Variants in PHACTR3 observed in about 807,000 individuals in gnomAD.
PHACTR3 encodes the protein phosphatase and actin regulator 3, also known as protein phosphatase 1, regulatory subunit 123.
Under a neutral mutation model 66.8 loss-of-function variants are expected in PHACTR3, and 16 were observed. The observed-to-expected ratio is 0.24, with a 90% CI of 0.16 to 0.36. PHACTR3 has a LOEUF of 0.36. Among genes scored for constraint, PHACTR3 ranks in the 10% least tolerant of loss-of-function variants. PHACTR3 has a pLI of 1.00. For missense variants in PHACTR3, 647 were observed against 719.9 expected, an observed-to-expected ratio of 0.90 and a Z score of 1.16; for synonymous variants, 323 against 292.1, an observed-to-expected ratio of 1.11 and a Z score of -1.08.
intron 7 of PHACTR3, among the ~76,000 whole-genome samples, chr20:59,783,428 C>T (rs2040798099): frequency 7.2e-6 from 1 of 138,748 alleles, no homozygotes; most frequent in African/African-American, 2.8e-5. Context: ...CTGCCCCCCG[C>T]CCCGCCCCAC....
chr20:59,708,626 C>A (rs887329147), intron 1 of PHACTR3, among the ~76,000 whole-genome samples: 2 of 152,156 alleles, frequency 1.3e-5, no homozygotes, highest in Admixed American at 1.3e-4. Context: ...ATATTTAGGT[C>A]CTGCTTCATG....
At chr20:59,697,665 G>T (rs1020811527) in intron 1 of PHACTR3, among the ~76,000 whole-genome samples, 1 of 152,152 alleles carries the variant, frequency 6.6e-6, no homozygotes, top group East Asian at 1.9e-4. Context: ...GCTAAGAAAG[G>T]AGCAGAGATT....
intron 1 of PHACTR3, among the ~76,000 whole-genome samples, chr20:59,592,208 G>A (rs1473308577): frequency 6.6e-6 from 1 of 152,132 alleles, no homozygotes; most frequent in African/African-American, 2.4e-5. Context: ...CGCCTGGCAT[G>A]CTCTTTCCTT....
intron 1 of PHACTR3, among the ~76,000 whole-genome samples, chr20:59,643,685 C>G (rs142507643): frequency 6.6e-6 from 1 of 152,176 alleles, no homozygotes; most frequent in Non-Finnish European, 1.5e-5. Flanking sequence ...CTTGGGTGCA[C>G]GCCTGATGGA....
intron 1 of PHACTR3, among the ~76,000 whole-genome samples, chr20:59,644,823 G>T (rs1344746650): frequency 6.6e-6 from 1 of 152,070 alleles, no homozygotes; most frequent in Non-Finnish European, 1.5e-5. Context: ...CTACTCATTT[G>T]TTGGCCAGTG....
At chr20:59,647,576 T>C (rs773882721) in intron 1 of PHACTR3, among the ~76,000 whole-genome samples, 5 of 152,096 alleles carry the variant, frequency 3.3e-5, no homozygotes, top group Non-Finnish European at 7.3e-5. Context: ...TCCTCTTCAT[T>C]CTTATTCACA....
chr20:59,578,754 AAGTC>A (rs1469204777), intron 1 of PHACTR3, among the ~76,000 whole-genome samples: 1 of 152,168 alleles, frequency 6.6e-6, no homozygotes, highest in Non-Finnish European at 1.5e-5. Flanking sequence ...TGGAGTCACA[AAGTC>A]AAGAAAGGAG....
intron 1 of PHACTR3, among the ~76,000 whole-genome samples, chr20:59,715,547 GTATC>G: frequency 6.6e-6 from 1 of 152,214 alleles, no homozygotes; most frequent in Non-Finnish European, 1.5e-5. Flanking sequence ...TAGGATTTCT[GTATC>G]TATGGTCACG....
intron 1 of PHACTR3, among the ~76,000 whole-genome samples, chr20:59,584,810 C>A (rs928378646): frequency 9.2e-5 from 14 of 152,194 alleles, no homozygotes; most frequent in Non-Finnish European, 7.3e-5. Flanking sequence ...GTCTGTGAAG[C>A]CTCTCACCCC....
rs571188143 is a variant in PHACTR3 at position 59,742,459 on chromosome 20, C to T, written c.119-648C>T. On this transcript the variant is annotated intron_variant, in intron 1 of 12. Coordinates refer to ENST00000371015, the MANE Select transcript of PHACTR3 (RefSeq NM_080672.5). The stretch of plus-strand genomic sequence containing the variant: ...AGGAGCACTGCTTCCTCTGCCTGCT[C>T]ACAGACGTGCTCACAGACGTGCTCA... Among the ~76,000 whole-genome samples the T allele has an allele frequency of 6.1e-3, 868 of 142,356 alleles. 4 individuals are homozygous for T. The highest frequency in any genetic ancestry group is 0.021 in the African/African-American group (804 of 38,050). 93.4% of individuals were successfully genotyped at this position (142,356 alleles called of 152,430 possible). A position where few individuals can be genotyped will look rare whatever the true frequency, so the allele number is the denominator to read the frequency against.
At chr20:59,732,408 G>A (rs1166702731) in intron 1 of PHACTR3, among the ~76,000 whole-genome samples, 2 of 152,204 alleles carry the variant, frequency 1.3e-5, no homozygotes, top group South Asian at 2.1e-4. Context: ...TGAACATGCA[G>A]AAGGTTTTGG....
intron 8 of PHACTR3, among the ~76,000 whole-genome samples, chr20:59,811,848 C>T (rs1178040896): frequency 1.3e-5 from 2 of 152,220 alleles, no homozygotes; most frequent in Non-Finnish European, 2.9e-5. Context: ...CTCAGAATCT[C>T]TCTCCTTGTT....
At chr20:59,728,742 C>A (rs1328175646) in intron 1 of PHACTR3, among the ~76,000 whole-genome samples, 2 of 152,074 alleles carry the variant, frequency 1.3e-5, no homozygotes, top group African/African-American at 4.8e-5. Flanking sequence ...TTAATTCATT[C>A]CCTGATTCCT....
chr20:59,614,357 T>C (rs1337099398), intron 1 of PHACTR3, among the ~76,000 whole-genome samples: 1 of 152,224 alleles, frequency 6.6e-6, no homozygotes, highest in African/African-American at 2.4e-5. Context: ...GGACAAGATT[T>C]ATGTATTGAA....
At chr20:59,676,304 T>C (rs2036445843) in intron 1 of PHACTR3, among the ~76,000 whole-genome samples, 1 of 152,220 alleles carries the variant, frequency 6.6e-6, no homozygotes, top group African/African-American at 2.4e-5. Flanking sequence ...TCTGGCCAGA[T>C]GCCAGCCTAG....
chr20:59,773,652 G>A (rs535549197), intron 6 of PHACTR3, among the ~76,000 whole-genome samples, 199 bp downstream of exon 6: 2 of 152,334 alleles, frequency 1.3e-5, no homozygotes, highest in East Asian at 3.9e-4. Context: ...CACATTCTGG[G>A]ACGGGGTGCA....
intron 1 of PHACTR3, among the ~76,000 whole-genome samples, chr20:59,596,126 G>T (rs1348873779): frequency 1.3e-5 from 2 of 152,088 alleles, no homozygotes; most frequent in African/African-American, 4.8e-5. Context: ...AGTGTTGTCT[G>T]GTTTTTATTT....
intron 1 of PHACTR3, among the ~76,000 whole-genome samples, chr20:59,647,338 C>G (rs1197181779): frequency 6.6e-6 from 1 of 152,162 alleles, no homozygotes; most frequent in East Asian, 1.9e-4. Flanking sequence ...CTGGCCCCAC[C>G]CTTGACATGT....
chr20:59,839,240 T>C (rs2059016515), intron 9 of PHACTR3, among the ~76,000 whole-genome samples: 1 of 152,184 alleles, frequency 6.6e-6, no homozygotes, highest in Non-Finnish European at 1.5e-5. Context: ...TGGTTTCTTC[T>C]GGTTTCTCAC....
Sources: gnomAD v4.1 joint callset for allele counts (sites outside exome capture counted in the v4.1 genomes callset) on GRCh38, gnomAD v4.1.1 for gene constraint, MANE v1.5 for transcripts, NCBI Gene and HGNC (gene_info 2026-07-23, HGNC 2026-07-21) for gene names.